SIPA1L1: variants seen among roughly 807,000 people sequenced by gnomAD.
The protein encoded by SIPA1L1 is signal-induced proliferation-associated 1-like protein 1.
SIPA1L1 carries 26 observed loss-of-function variants against 162.7 expected under a neutral mutation model. The observed-to-expected ratio is 0.16, with a 90% CI of 0.12 to 0.22. The LOEUF (loss-of-function observed/expected upper bound fraction) is 0.22. SIPA1L1 is among the 10% of genes least tolerant of loss of function. The pLI is 1.00. For synonymous variants in SIPA1L1, 829 were observed against 837.4 expected (o/e 0.99, Z 0.17); for missense variants, 1,874 against 2,241.0 (o/e 0.84, Z 3.31).
At chr14:71,464,723 A>G (rs1424163715) in intron 2 of SIPA1L1, among the ~76,000 whole-genome samples, 2 of 152,024 alleles carry the variant, frequency 1.3e-5, no homozygotes, top group Non-Finnish European at 2.9e-5. Flanking sequence ...GCTTGATCCA[A>G]CTCTATGTTC....
rs151327552 is a variant in SIPA1L1, at chr14:71,729,567, C to T, written c.4615-488C>T. 3.8e-3 allele frequency among the ~76,000 whole-genome samples: 579 copies of T among 152,328 alleles called. 4 individuals are homozygous for T. The highest frequency in any genetic ancestry group is 0.013 in the African/African-American group (551 of 41,560). On this transcript the variant is annotated intron_variant, in intron 19 of 23. Transcript: ENST00000381232. ...TACCCTCTTGGCACTGTGGCTCTCTCTTCCCCCAGGGGCCATAACACCATT... is the reference window on the plus strand; with the variant it reads ...TACCCTCTTGGCACTGTGGCTCTCTTTTCCCCCAGGGGCCATAACACCATT...
intron 2 of SIPA1L1, among the ~76,000 whole-genome samples, chr14:71,451,954 A>G (rs1372018381): frequency 6.6e-6 from 1 of 152,194 alleles, no homozygotes; most frequent in Non-Finnish European, 1.5e-5. Flanking sequence ...CGTGAACAAA[A>G]CACCACTCTG....
chr14:71,619,802 A>G (rs1195490259), intron 6 of SIPA1L1, among the ~76,000 whole-genome samples: 1 of 152,216 alleles, frequency 6.6e-6, no homozygotes, highest in Admixed American at 6.5e-5. Flanking sequence ...GGCATCATTT[A>G]GTAATAGTTC....
chr14:71,656,845 GTC>G (rs779159789), intron 8 of SIPA1L1, among the ~76,000 whole-genome samples: 7 of 152,168 alleles, frequency 4.6e-5, no homozygotes, highest in African/African-American at 9.7e-5. Flanking sequence ...ACCTGGGAGT[GTC>G]TGTGAAGAAT....
chr14:71,714,775 T>G (rs1313585781), intron 17 of SIPA1L1, among the ~76,000 whole-genome samples: 2 of 152,080 alleles, frequency 1.3e-5, no homozygotes, highest in Non-Finnish European at 2.9e-5. Flanking sequence ...AGAGACAGGG[T>G]CTCATCATGT....
intron 2 of SIPA1L1, among the ~76,000 whole-genome samples, chr14:71,486,684 GA>G (rs2048785276): frequency 6.6e-6 from 1 of 152,184 alleles, no homozygotes; most frequent in Non-Finnish European, 1.5e-5. Context: ...AATTTAGAGT[GA>G]AGGGTGTTAT....
chr14:71,737,471 G>A (rs578141293), intron 22 of SIPA1L1, among the ~76,000 whole-genome samples: 2 of 152,114 alleles, frequency 1.3e-5, no homozygotes, highest in South Asian at 4.2e-4. Flanking sequence ...AGGAGAGTGT[G>A]GCAAGAAAAG....
At chr14:71,393,305 A>G (rs191219342) in intron 2 of SIPA1L1, among the ~76,000 whole-genome samples, 1 of 152,340 alleles carries the variant, frequency 6.6e-6, no homozygotes, top group East Asian at 1.9e-4. Context: ...AAAATTTAAA[A>G]TAAGTAATTG....
intron 2 of SIPA1L1, among the ~76,000 whole-genome samples, chr14:71,445,413 A>ATT (rs1051135128): frequency 1.3e-5 from 2 of 152,128 alleles, no homozygotes; most frequent in African/African-American, 4.8e-5. Flanking sequence ...TTTCTCGGGA[A>ATT]TTTTATTTTA....
At chr14:71,664,194 G>A (rs1318475787) in intron 10 of SIPA1L1, among the ~76,000 whole-genome samples, 1 of 152,084 alleles carries the variant, frequency 6.6e-6, no homozygotes, top group Non-Finnish European at 1.5e-5. Context: ...GATAAAACAT[G>A]GGTCTTCAAA....
intron 4 of SIPA1L1, among the ~76,000 whole-genome samples, chr14:71,571,898 C>T (rs1206277586): frequency 2.6e-5 from 4 of 151,152 alleles, no homozygotes; most frequent in Admixed American, 6.6e-5. Flanking sequence ...ATGATCCGCT[C>T]GCTTCAGCCT....
At chr14:71,372,230 G>A (rs1342387921) in intron 2 of SIPA1L1, among the ~76,000 whole-genome samples, 1 of 152,134 alleles carries the variant, frequency 6.6e-6, no homozygotes, top group African/African-American at 2.4e-5. Context: ...CTTCCAGGAA[G>A]CAATTGGGTG....
intron 12 of SIPA1L1, among the ~76,000 whole-genome samples, chr14:71,675,168 A>G (rs2045007901): frequency 6.6e-6 from 1 of 152,178 alleles, no homozygotes; most frequent in Admixed American, 6.5e-5. Context: ...TGGGATGATT[A>G]CCAGCTCCAG....
At chr14:71,341,956 G>A (rs576055672) in intron 2 of SIPA1L1, among the ~76,000 whole-genome samples, 1 of 152,164 alleles carries the variant, frequency 6.6e-6, no homozygotes, top group East Asian at 1.9e-4. Flanking sequence ...GAATAGTGTT[G>A]TGAGGAACGT....
chr14:71,475,089 A>C (rs1051794326), intron 2 of SIPA1L1, among the ~76,000 whole-genome samples: 1 of 152,230 alleles, frequency 6.6e-6, no homozygotes, highest in Non-Finnish European at 1.5e-5. Flanking sequence ...TATTGTTGAC[A>C]TGTAATAAAA....
At chr14:71,411,943 T>C (rs1262387112) in intron 2 of SIPA1L1, among the ~76,000 whole-genome samples, 2 of 152,388 alleles carry the variant, frequency 1.3e-5, no homozygotes, top group South Asian at 2.1e-4. Flanking sequence ...TCATAAATCC[T>C]GTCCTTTTGC....
chr14:71,597,903 C>T (rs989816721), intron 5 of SIPA1L1, among the ~76,000 whole-genome samples: 1 of 152,142 alleles, frequency 6.6e-6, no homozygotes, highest in African/African-American at 2.4e-5. Flanking sequence ...CACAGCCAGC[C>T]TAAGCATGCT....
intron 2 of SIPA1L1, among the ~76,000 whole-genome samples, chr14:71,399,150 T>G (rs2041463398): frequency 6.6e-6 from 1 of 152,214 alleles, no homozygotes; most frequent in African/African-American, 2.4e-5. Context: ...AACATGTTCC[T>G]TGATGCATAT....
intron 6 of SIPA1L1, among the ~76,000 whole-genome samples, chr14:71,619,883 C>G (rs1346554548): frequency 6.6e-6 from 1 of 152,154 alleles, no homozygotes; most frequent in East Asian, 1.9e-4. Flanking sequence ...AATGTGTTGT[C>G]TACACTGGCC....
Sources: gnomAD v4.1 joint callset for allele counts (sites outside exome capture counted in the v4.1 genomes callset) on GRCh38, gnomAD v4.1.1 for gene constraint, MANE v1.5 for transcripts, NCBI Gene and HGNC (gene_info 2026-07-23, HGNC 2026-07-21) for gene names.